Variants in CRYBA2 observed in about 807,000 individuals in gnomAD.
The protein encoded by CRYBA2 is beta-crystallin A2.
Under a neutral mutation model 18.5 loss-of-function variants are expected in CRYBA2, and 17 were observed. The observed-to-expected ratio is 0.92, with a 90% CI of 0.63 to 1.38. CRYBA2 has a LOEUF of 1.38. Ranked by LOEUF, CRYBA2 falls within the 40% of genes most tolerant of loss-of-function variation. The probability of loss-of-function intolerance (pLI) is 0.00; values close to 1 mark genes in which losing one functional copy is unlikely to be tolerated. For missense variants in CRYBA2, 271 were observed against 265.0 expected (o/e 1.02, Z -0.16); for synonymous variants, 101 against 106.2 (o/e 0.95, Z 0.30).
In CRYBA2 at chr2:218,990,761, G is replaced by T. The variant is rs549400153; in HGVS notation, c.446+91C>A. Reference sequence around the variant, plus strand: ...CCAAGTCCCCAATATCTCTCTTAGCGCCCTCCCCACATCACTTTTCTCCAC... The same window carrying T: ...CCAAGTCCCCAATATCTCTCTTAGCTCCCTCCCCACATCACTTTTCTCCAC... On this transcript the variant is annotated intron_variant, in intron 3 of 3. Coordinates refer to ENST00000295728, the MANE Select transcript of CRYBA2 (RefSeq NM_057093.2). 4.0e-6 allele frequency: 6 copies of T among 1,490,212 alleles called. No individual in the cohort carries two copies. In the South Asian group the frequency reaches 7.6e-5, roughly 19 times the overall value. 92.3% of individuals were successfully genotyped at this position (1,490,212 alleles called of 1,614,324 possible).
Position 218,993,162 on chromosome 2 carries a change from G to T in CRYBA2, c.15C>A (p.Pro5=), listed in dbSNP as rs750722263. 2.8e-5 allele frequency: 45 copies of T among 1,602,600 alleles called. No individual in the cohort carries two copies. The highest frequency in any genetic ancestry group is 3.6e-5 in the Non-Finnish European group (42 of 1,175,586). Residue 5 remains proline (P), a synonymous_variant, in exon 1 of 4, where the codon CCC becomes CCA. Transcript: ENST00000295728. The surrounding 1 kb of genome is among the most constrained non-coding windows in gnomAD (Gnocchi z 7.7). ...GGCTGGCGGGCGCCGGGCCCGGCGC[G>T]GGGGCGCTGCTCATGCCGCTGCGGA... The part of the protein sequence containing the change: MSSA[P]APGPAPASLT...
chr2:218,991,175 A>C, intron 2 of CRYBA2, 181 bp from the exon 3 acceptor site: 1 of 855,648 alleles, frequency 1.2e-6, no homozygotes. Context: ...GATCGCTCAG[A>C]GGTTCCCCCG....
chr2:218,992,278 C>T, intron 1 of CRYBA2, 35 bp from the exon 2 acceptor site: 1 of 1,603,718 alleles, frequency 6.2e-7, no homozygotes, highest in South Asian at 1.1e-5. Flanking sequence ...GTATCTGCCC[C>T]AGCCGCACCC....
At position 218,992,084 on chromosome 2, in the gene CRYBA2, G is replaced by C; in HGVS notation, c.303+18C>G. On this transcript the variant is annotated intron_variant, in intron 2 of 3. Coordinates refer to ENST00000295728, the MANE Select transcript of CRYBA2 (RefSeq NM_057093.2). ...CCTGGAGCTAGGAGGCAGGGGAGGA[G>C]AAGTGGGCTGTGCTCACCGCGCAGA... 1.2e-6 allele frequency: 2 copies of C among 1,605,964 alleles called. No individual in the cohort carries two copies. The highest frequency in any genetic ancestry group is 1.7e-6 in the Non-Finnish European group (2 of 1,176,000).
Position 218,993,062 on chromosome 2 carries a change from G to T in CRYBA2, c.115C>A (p.Arg39Ser), listed in dbSNP as rs748086125. 1.2e-6 allele frequency: 2 copies of T among 1,610,326 alleles called. No individual in the cohort carries two copies. Among genetic ancestry groups the T allele is most frequent in the East Asian group, 2.2e-5 (1 of 44,732 alleles). Residue 39 changes from arginine (R) to serine (S), a missense_variant, in exon 1 of 4, where the codon CGC becomes AGC. Coordinates refer to ENST00000295728, the MANE Select transcript of CRYBA2 (RefSeq NM_057093.2). The surrounding 1 kb of genome is among the most constrained non-coding windows in gnomAD (Gnocchi z 7.7). Reference protein sequence around the residue: ...LLSDCANVCERGGLPRVRSVK... With the variant: ...LLSDCANVCESGGLPRVRSVK... ...GAGCGCACCCTGGGCAGGCCTCCGCGCTCGCAGACGTTCGCACAGTCGCTT... is the reference window on the plus strand; with the variant it reads ...GAGCGCACCCTGGGCAGGCCTCCGCTCTCGCAGACGTTCGCACAGTCGCTT...
Position 218,993,328 on chromosome 2 carries a change from T to G in CRYBA2, c.-152A>C, listed in dbSNP as rs921447815. 21 of 695,490 alleles carry G rather than the reference T, an allele frequency of 3.0e-5. No individual in the cohort carries two copies. Among genetic ancestry groups the G allele is most frequent in the African/African-American group, 2.4e-4 (13 of 53,828 alleles). The allele number at this position is 695,490 out of a possible 1,614,324, so 43.1% of individuals were successfully genotyped here. On this transcript the variant is annotated 5_prime_UTR_variant, in exon 1 of 4. Coordinates refer to ENST00000295728, the MANE Select transcript of CRYBA2 (RefSeq NM_057093.2). The surrounding 1 kb of genome is among the most constrained non-coding windows in gnomAD (Gnocchi z 7.7). ...GGACCCGGCTGCCAGGGGCTCGCAGTCTTCCCGCGCTCCCCTCCCTTCCCC... is the reference window on the plus strand; with the variant it reads ...GGACCCGGCTGCCAGGGGCTCGCAGGCTTCCCGCGCTCCCCTCCCTTCCCC...
chr2:218,990,457 G>A, intron 3 of CRYBA2, 58 bp from the exon 4 acceptor site: 2 of 1,552,400 alleles, frequency 1.3e-6, no homozygotes, highest in Non-Finnish European at 1.7e-6. Context: ...CCCACCCTAT[G>A]TTCTCCACCA....
At position 218,990,336 on chromosome 2, in the gene CRYBA2, G is replaced by A. The variant is rs370422798; in HGVS notation, c.510C>T (p.His170=). The A allele has an allele frequency of 9.9e-6, 16 of 1,614,002 alleles. No homozygotes were observed. In the African/African-American group the frequency reaches 1.5e-4, roughly 15 times the overall value. Residue 170 remains histidine, a synonymous_variant, in exon 4 of 4, where the codon CAC becomes CAT. Coordinates refer to ENST00000295728, the MANE Select transcript of CRYBA2 (RefSeq NM_057093.2). ...GYQYVLERDR[H]SGEFCTYGEL... is the part of the protein sequence containing the mutation. ...CACCGTAAGTACAGAACTCTCCGCT[G>A]TGCCGGTCCCGCTCCAACACATACT...
intron 1 of CRYBA2, 97 bp downstream of exon 1, chr2:218,992,919 C>G (rs1330725138): frequency 2.0e-6 from 2 of 1,007,190 alleles, no homozygotes; most frequent in Non-Finnish European, 2.9e-6. Flanking sequence ...GCAGGTCTCT[C>G]CAGGGCTCAC....
In CRYBA2 at chr2:218,992,092, C is replaced by T. The variant is rs2106018724; in HGVS notation, c.303+10G>A. 2 of 1,609,140 alleles carry T rather than the reference C, an allele frequency of 1.2e-6. No individual in the cohort carries two copies. Among genetic ancestry groups the T allele is most frequent in the Non-Finnish European group, 1.7e-6 (2 of 1,177,736 alleles). On this transcript the variant is annotated intron_variant, in intron 2 of 3. Transcript: ENST00000295728. ...TAGGAGGCAGGGGAGGAGAAGTGGG[C>T]TGTGCTCACCGCGCAGAGCACTGGC...
chr2:218,993,330 T>G lies in CRYBA2; in HGVS notation c.-154A>C. Reference sequence around the variant, plus strand: ...ACCCGGCTGCCAGGGGCTCGCAGTCTTCCCGCGCTCCCCTCCCTTCCCCAC... The same window carrying G: ...ACCCGGCTGCCAGGGGCTCGCAGTCGTCCCGCGCTCCCCTCCCTTCCCCAC... On this transcript the variant is annotated 5_prime_UTR_variant, in exon 1 of 4. Transcript: ENST00000295728. The surrounding 1 kb of genome is among the most constrained non-coding windows in gnomAD (Gnocchi z 7.7). The G allele has an allele frequency of 1.5e-6, 1 of 681,938 alleles. No individual in the cohort carries two copies. Among genetic ancestry groups the G allele is most frequent in the Non-Finnish European group, 2.4e-6 (1 of 420,658 alleles). 42.2% of individuals were successfully genotyped at this position (681,938 alleles called of 1,614,324 possible).
At chr2:218,992,362 T>G in intron 1 of CRYBA2, 119 bp from the exon 2 acceptor site, 1 of 1,005,262 alleles carries the variant, frequency 9.9e-7, no homozygotes, top group Non-Finnish European at 1.4e-6. Context: ...CCCCAAACCC[T>G]TCCCCTGACA....
chr2:218,991,134 C>A (rs923885008), intron 2 of CRYBA2, 140 bp from the exon 3 acceptor site: 19 of 1,276,874 alleles, frequency 1.5e-5, no homozygotes, highest in Non-Finnish European at 1.9e-5. Flanking sequence ...CCAGAGCTCA[C>A]CCCATCAGCT....
Sources: allele counts gnomAD v4.1 joint callset, GRCh38; gene constraint gnomAD v4.1.1; non-coding constraint Gnocchi (gnomAD v3.1); transcripts MANE v1.5; gene names NCBI Gene and HGNC (gene_info 2026-07-23, HGNC 2026-07-21).